The following NCMAP variants were observed in gnomAD, a reference collection of about 807,000 sequenced individuals.
NCMAP encodes noncompact myelin-associated protein.
Under a neutral mutation model 7.8 loss-of-function variants are expected in NCMAP, and 8 were observed. The observed-to-expected ratio is 1.02, with a 90% CI of 0.60 to 1.84. The LOEUF is 1.84. NCMAP is among the 40% of genes most tolerant of loss of function. The pLI is 0.00. For missense variants in NCMAP, 112 were observed against 131.4 expected (o/e 0.85, Z 0.72); for synonymous variants, 41 against 52.9 (o/e 0.78, Z 0.98).
chr1:24,561,178 CAAAA>C (rs755072214), intron 1 of NCMAP, among the ~76,000 whole-genome samples: 21 of 103,868 alleles, frequency 2.0e-4, no homozygotes, highest in South Asian at 7.0e-4. Flanking sequence ...ACTAAAAATA[CAAAA>C]AAAAAAAAAA....
chr1:24,596,710 C>T (rs141788197), intron 2 of NCMAP, among the ~76,000 whole-genome samples: 13 of 152,136 alleles, frequency 8.5e-5, no homozygotes, highest in African/African-American at 2.9e-4. Flanking sequence ...AACAAAAATC[C>T]GAAGTAGCTA....
chr1:24,605,625 G>C lies in NCMAP; in HGVS notation c.187G>C (p.Glu63Gln), dbSNP rs866993287. The stretch of plus-strand genomic sequence containing the variant: ...CTACAGGAAAATGAGGACGAGGCGG[G>C]AACTAGAGCCCAAGGGCCCCAAGCC... ...MYNRKMRTRR[E>Q]LEPKGPKPTA... is the part of the protein sequence containing the mutation. Residue 63 changes from glutamate to glutamine, a missense_variant, in exon 4 of 4, where the codon GAA becomes CAA. By Grantham distance (29) the Glu-to-Gln change is conservative (BLOSUM62 2). Transcript: ENST00000374392. 6.2e-7 allele frequency: 1 copy of C among 1,614,196 alleles called. No homozygotes were observed. The highest frequency in any genetic ancestry group is 1.6e-4 in the Middle Eastern group (1 of 6,062).
At chr1:24,598,109 A>C (rs1247746650) in intron 2 of NCMAP, among the ~76,000 whole-genome samples, 2 of 152,120 alleles carry the variant, frequency 1.3e-5, no homozygotes. Flanking sequence ...CCAGAACTAA[A>C]GTCTCCCCAA....
chr1:24,573,576 A>C (rs1651450435), intron 1 of NCMAP, among the ~76,000 whole-genome samples: 1 of 149,594 alleles, frequency 6.7e-6, no homozygotes, highest in African/African-American at 2.6e-5. Context: ...TGACATAGCA[A>C]GACTCTGTCC....
chr1:24,609,211 A>G lies in NCMAP; in HGVS notation c.*3464A>G, dbSNP rs1410638893. 6.6e-6 allele frequency: 1 copy of G among 152,134 alleles called. No individual in the cohort carries two copies. Among genetic ancestry groups the G allele is most frequent in the Admixed American group, 6.5e-5 (1 of 15,274 alleles). The allele number at this position is 152,134 out of a possible 1,614,324, so 9.4% of individuals were successfully genotyped here. ...CAGGGATCTCACCACGTGGTTATGTATTTTGTTTCTGATGAGGTGCCTTTC... is the reference window on the plus strand; with the variant it reads ...CAGGGATCTCACCACGTGGTTATGTGTTTTGTTTCTGATGAGGTGCCTTTC... On this transcript the variant is annotated 3_prime_UTR_variant, in exon 4 of 4. Transcript: ENST00000374392.
intron 1 of NCMAP, among the ~76,000 whole-genome samples, chr1:24,561,985 C>T (rs755109101): frequency 7.9e-5 from 12 of 151,892 alleles, no homozygotes; most frequent in Non-Finnish European, 1.8e-4. Flanking sequence ...AATCTGAACA[C>T]CTTTAATGAT....
intron 1 of NCMAP, among the ~76,000 whole-genome samples, chr1:24,585,475 A>G (rs1651856448): frequency 6.6e-6 from 1 of 152,144 alleles, no homozygotes; most frequent in Non-Finnish European, 1.5e-5. Flanking sequence ...CCATATCTAC[A>G]AAGAAGAATA....
chr1:24,560,160 CAAAAAAA>C (rs67052970), intron 1 of NCMAP, among the ~76,000 whole-genome samples: 13 of 89,552 alleles, frequency 1.5e-4, no homozygotes, highest in East Asian at 6.7e-4. Flanking sequence ...GACTCCATCT[CAAAAAAA>C]AAAAAAAAAA....
At chr1:24,571,369 A>G (rs771166455) in intron 1 of NCMAP, among the ~76,000 whole-genome samples, 1 of 148,888 alleles carries the variant, frequency 6.7e-6, no homozygotes, top group Non-Finnish European at 1.5e-5. Context: ...TAGCTACTCA[A>G]GAGGTTGAGG....
chr1:24,566,490 C>A (rs1436163338), intron 1 of NCMAP, among the ~76,000 whole-genome samples: 1 of 152,142 alleles, frequency 6.6e-6, no homozygotes, highest in Non-Finnish European at 1.5e-5. Flanking sequence ...GGAAATTGCT[C>A]ATTCTGCCTG....
In NCMAP at chr1:24,556,809, G is replaced by A. The variant is rs151322619; in HGVS notation, c.-8+640G>A. Among the ~76,000 whole-genome samples the A allele has an allele frequency of 1.6e-3, 241 of 152,218 alleles. 1 individual carries two copies. The highest frequency in any genetic ancestry group is 5.4e-3 in the African/African-American group (226 of 41,528). ...TGAAGGCTGGATTAGAGAGACCAAG[G>A]CAGCCCTTGAGTCTGGGAGAAGATT... On this transcript the variant is annotated intron_variant, in intron 1 of 3. Coordinates refer to ENST00000374392, the MANE Select transcript of NCMAP (RefSeq NM_001010980.5).
intron 1 of NCMAP, among the ~76,000 whole-genome samples, chr1:24,590,696 C>T (rs555688029): frequency 1.3e-5 from 2 of 152,262 alleles, no homozygotes; most frequent in South Asian, 4.1e-4. Context: ...TGCCATCAAA[C>T]TCCTGGGCTC....
At chr1:24,567,888 C>T (rs746269314) in intron 1 of NCMAP, among the ~76,000 whole-genome samples, 5 of 151,830 alleles carry the variant, frequency 3.3e-5, no homozygotes, top group Admixed American at 6.6e-5. Context: ...AGAGAGGTGG[C>T]GGGGGCTGAA....
At chr1:24,564,352 A>G (rs758447325) in intron 1 of NCMAP, among the ~76,000 whole-genome samples, 82 of 152,016 alleles carry the variant, frequency 5.4e-4, no homozygotes, top group Non-Finnish European at 8.5e-4. Flanking sequence ...ACTACTAAAA[A>G]TACAAAAATT....
chr1:24,604,594 AAAAAAAAAAAAATATATATATATATATAT>A (rs1652630252), intron 3 of NCMAP, among the ~76,000 whole-genome samples: 9 of 64,178 alleles, frequency 1.4e-4, no homozygotes, highest in African/African-American at 7.7e-4. Context: ...AAAAAAAAAA[AAAAAAAAAAAAATATATATATATATATAT>A]ATATATATAT....
At chr1:24,568,785 T>C (rs1292419088) in intron 1 of NCMAP, among the ~76,000 whole-genome samples, 1 of 151,976 alleles carries the variant, frequency 6.6e-6, no homozygotes, top group African/African-American at 2.4e-5. Flanking sequence ...ATAATAGGGA[T>C]CCTTTTTGTT....
chr1:24,587,183 G>A (rs922615566), intron 1 of NCMAP, among the ~76,000 whole-genome samples: 2 of 152,194 alleles, frequency 1.3e-5, no homozygotes. Context: ...CAGTTTTGGG[G>A]TCATTCTTAG....
intron 1 of NCMAP, among the ~76,000 whole-genome samples, chr1:24,578,245 C>A (rs1419006278): frequency 1.5e-3 from 170 of 116,152 alleles, no homozygotes; most frequent in East Asian, 3.0e-3. Context: ...GACACTGTCT[C>A]AAAAAAAAAA....
chr1:24,577,138 C>CA (rs1651585232), intron 1 of NCMAP, among the ~76,000 whole-genome samples: 2 of 149,884 alleles, frequency 1.3e-5, no homozygotes, highest in Non-Finnish European at 3.0e-5. Flanking sequence ...GACTCCGTCT[C>CA]AAAAAAAATA....
Sources: allele counts gnomAD v4.1 joint callset (sites outside exome capture counted in the v4.1 genomes callset), GRCh38; gene constraint gnomAD v4.1.1; transcripts MANE v1.5; gene names NCBI Gene and HGNC (gene_info 2026-07-23, HGNC 2026-07-21).